Variants in MAGI2 observed in about 807,000 individuals in gnomAD.
MAGI2 encodes the protein membrane associated guanylate kinase, WW and PDZ domain containing 2, also known as membrane-associated guanylate kinase, WW and PDZ domain-containing protein 2.
Under a neutral mutation model 133.3 loss-of-function variants are expected in MAGI2, and 35 were observed. That is an observed-to-expected ratio of 0.26 (90% CI 0.20 to 0.35). The LOEUF is 0.35. Ranked by LOEUF, MAGI2 falls within the 10% of genes least tolerant of loss-of-function variation. The pLI, the probability that MAGI2 is intolerant of heterozygous loss-of-function variation, is 1.00. For synonymous variants in MAGI2, 729 were observed against 710.6 expected, an observed-to-expected ratio of 1.03 and a Z score of -0.41; for missense variants, 1,636 against 1,863.4, an observed-to-expected ratio of 0.88 and a Z score of 2.25.
rs1473494306 is a variant in MAGI2 at position 79,277,337 on chromosome 7, G to GT, written c.301+175682dup. ...TTTTTAGTTAAAATACATACATTGT[G>GT]TTTTTTTAGACATAATGCCATCACA... On this transcript the variant is annotated intron_variant, in intron 1 of 21. Coordinates refer to ENST00000354212, the MANE Select transcript of MAGI2 (RefSeq NM_012301.4). Among the ~76,000 whole-genome samples the GT allele has an allele frequency of 3.1e-4, 47 of 152,118 alleles. No individual in the cohort carries two copies. In the East Asian group the frequency reaches 8.3e-3, roughly 27 times the overall value.
At position 78,912,745 on chromosome 7, in the gene MAGI2, AT is replaced by A. The variant is rs199682630; in HGVS notation, c.418+94344del. On this transcript the variant is annotated intron_variant, in intron 2 of 21. Transcript: ENST00000354212. ...TATATATATCATTCATATATATATCATTCATATATATATATATCATTCATAT... is the reference window on the plus strand; with the variant it reads ...TATATATATCATTCATATATATATCATCATATATATATATATCATTCATAT... Among the ~76,000 whole-genome samples the A allele has an allele frequency of 1.4e-3, 199 of 145,818 alleles. 2 individuals carry two copies. Among genetic ancestry groups the A allele is most frequent in the African/African-American group, 4.9e-3 (192 of 39,476 alleles).
intron 2 of MAGI2, among the ~76,000 whole-genome samples, chr7:78,686,272 A>G (rs1816307916): frequency 6.6e-6 from 1 of 152,002 alleles, no homozygotes; most frequent in Admixed American, 6.6e-5. Flanking sequence ...GCTTTGGTTG[A>G]TGGCTAATGG....
intron 2 of MAGI2, among the ~76,000 whole-genome samples, chr7:78,904,888 A>G (rs940279323): frequency 1.3e-5 from 2 of 152,228 alleles, no homozygotes; most frequent in African/African-American, 4.8e-5. Context: ...ACAGGTCTTC[A>G]GTTCGATGGC....
rs189771448 is a variant in MAGI2 at position 78,272,167 on chromosome 7, G to T, written c.1409-15586C>A. On this transcript the variant is annotated intron_variant, in intron 9 of 21. Coordinates refer to ENST00000354212, the MANE Select transcript of MAGI2 (RefSeq NM_012301.4). ...GTCCTTTGTTCTCATTGGTTTCAAA[G>T]AACATCTTTATTCTGCCTTCATTTC... is the stretch of plus-strand genomic sequence containing the variant. Among the ~76,000 whole-genome samples the T allele has an allele frequency of 2.0e-5, 3 of 152,284 alleles. No individual in the cohort carries two copies. The East Asian group carries it at 5.8e-4, about 29-fold the overall frequency.
At chr7:79,387,374 C>T (rs963461859) in intron 1 of MAGI2, among the ~76,000 whole-genome samples, 3 of 152,084 alleles carry the variant, frequency 2.0e-5, no homozygotes, top group Non-Finnish European at 4.4e-5. Flanking sequence ...AGACGTTCAA[C>T]TTTTAACCTC....
intron 1 of MAGI2, among the ~76,000 whole-genome samples, chr7:79,418,891 G>T (rs1846742377): frequency 6.8e-6 from 1 of 146,116 alleles, no homozygotes; most frequent in African/African-American, 2.5e-5. Context: ...ACACACATTT[G>T]TCAGATAGTC....
chr7:78,951,882 G>A (rs1801901567), intron 2 of MAGI2, among the ~76,000 whole-genome samples: 1 of 152,084 alleles, frequency 6.6e-6, no homozygotes, highest in African/African-American at 2.4e-5. Context: ...CCTCTACACT[G>A]ATTAGGGACC....
chr7:78,490,478 A>C (rs1315061253), intron 5 of MAGI2, among the ~76,000 whole-genome samples: 1 of 152,088 alleles, frequency 6.6e-6, no homozygotes, highest in Non-Finnish European at 1.5e-5. Flanking sequence ...GTAATGATAA[A>C]ATAATATTTT....
At chr7:78,463,676 T>G (rs140077165) in intron 6 of MAGI2, among the ~76,000 whole-genome samples, 1 of 152,064 alleles carries the variant, frequency 6.6e-6, no homozygotes, top group East Asian at 1.9e-4. Context: ...TGGTTTGATA[T>G]GGAGAAAGTG....
rs1837966015 is a variant in MAGI2, at chr7:79,308,116, T to C, written c.301+144904A>G. On this transcript the variant is annotated intron_variant, in intron 1 of 21. Coordinates refer to ENST00000354212, the MANE Select transcript of MAGI2 (RefSeq NM_012301.4). ...GATGGCATGTGAAATAAAATTATAT[T>C]ACTATATTTATTGAATGCTGTGTGT... Among the ~76,000 whole-genome samples, 6 of 152,206 alleles carry C rather than the reference T, an allele frequency of 3.9e-5. No homozygotes were observed. In the South Asian group the frequency reaches 1.0e-3, roughly 26 times the overall value.
chr7:78,555,854 T>C (rs1043356193), intron 3 of MAGI2, among the ~76,000 whole-genome samples: 5 of 152,216 alleles, frequency 3.3e-5, no homozygotes, highest in African/African-American at 1.2e-4. Context: ...TTCTATTGCA[T>C]TTATATATTT....
intron 1 of MAGI2, among the ~76,000 whole-genome samples, chr7:79,070,768 G>A (rs1007061262): frequency 7.9e-5 from 12 of 151,968 alleles, no homozygotes; most frequent in African/African-American, 2.9e-4. Context: ...TGGGATTACA[G>A]GTGTGAGCCA....
At chr7:78,265,616 G>A (rs1430715726) in intron 9 of MAGI2, among the ~76,000 whole-genome samples, 1 of 152,136 alleles carries the variant, frequency 6.6e-6, no homozygotes, top group South Asian at 2.1e-4. Flanking sequence ...GCATTCCCCT[G>A]TACTCTTCTG....
Position 78,197,745 on chromosome 7 carries a change from C to T in MAGI2, c.2080-2682G>A, listed in dbSNP as rs562670739. ...CAGGGTTTCCTAAAAGGCTGTAAAG[C>T]AGAAAATCACTGCACCCAAGAAAAA... On this transcript the variant is annotated intron_variant, in intron 11 of 21. Transcript: ENST00000354212. 2.2e-5 allele frequency: 3 copies of T among 134,486 alleles called. No individual in the cohort carries two copies. In the East Asian group the frequency reaches 7.1e-4, roughly 32 times the overall value. 8.3% of individuals were successfully genotyped at this position (134,486 alleles called of 1,614,324 possible).
intron 1 of MAGI2, among the ~76,000 whole-genome samples, chr7:79,246,059 G>A (rs1269412324): frequency 6.6e-6 from 1 of 152,214 alleles, no homozygotes; most frequent in Non-Finnish European, 1.5e-5. Context: ...TGGTATGTAA[G>A]ACCTACAGCA....
intron 1 of MAGI2, among the ~76,000 whole-genome samples, chr7:79,311,179 A>G (rs981208860): frequency 2.0e-5 from 3 of 152,126 alleles, no homozygotes; most frequent in African/African-American, 4.8e-5. Flanking sequence ...CCAATGATCA[A>G]TTCTGAGTTC....
intron 6 of MAGI2, among the ~76,000 whole-genome samples, chr7:78,382,022 C>T (rs149009454): frequency 2.1e-4 from 32 of 152,236 alleles, no homozygotes; most frequent in African/African-American, 7.5e-4. Flanking sequence ...ATTTTAATAG[C>T]AAATCATGGA....
intron 1 of MAGI2, among the ~76,000 whole-genome samples, chr7:79,227,650 G>A (rs1830971644): frequency 6.6e-6 from 1 of 151,930 alleles, no homozygotes; most frequent in Admixed American, 6.6e-5. Context: ...TTTATTTTTA[G>A]TGAGAGTAAA....
chr7:78,418,384 G>A (rs1798489256), intron 6 of MAGI2, among the ~76,000 whole-genome samples: 1 of 152,082 alleles, frequency 6.6e-6, no homozygotes, highest in Non-Finnish European at 1.5e-5. Context: ...CAGGAAAGGT[G>A]AACATAGCAG....
Sources: allele counts gnomAD v4.1 joint callset (sites outside exome capture counted in the v4.1 genomes callset), GRCh38; gene constraint gnomAD v4.1.1; transcripts MANE v1.5; gene names NCBI Gene and HGNC (gene_info 2026-07-23, HGNC 2026-07-21).